OSBP: variants seen among roughly 807,000 people sequenced by gnomAD.
The protein encoded by OSBP is oxysterol-binding protein 1.
A neutral mutation model predicts 96.6 loss-of-function variants in OSBP; 32 were observed. The observed-to-expected ratio is 0.33, with a 90% CI of 0.25 to 0.45. OSBP has a LOEUF of 0.45. Among genes scored for constraint, OSBP ranks in the 20% least tolerant of loss-of-function variants. The pLI is 1.00. For synonymous variants in OSBP, 369 were observed against 389.6 expected, an observed-to-expected ratio of 0.95 and a Z score of 0.62; for missense variants, 653 against 1,029.7, an observed-to-expected ratio of 0.63 and a Z score of 5.01.
chr11:59,596,216 A>G (rs2134665663), intron 7 of OSBP, among the ~76,000 whole-genome samples: 1 of 152,208 alleles, frequency 6.6e-6, no homozygotes, highest in South Asian at 2.1e-4. Context: ...GCGCGCTGCA[A>G]AAGCCATAAT....
At chr11:59,615,233 A>G (rs890042813) in intron 1 of OSBP, 70 bp downstream of exon 1, 3 of 1,338,852 alleles carry the variant, frequency 2.2e-6, no homozygotes, top group East Asian at 5.4e-5. Context: ...GCTGGCGGTA[A>G]TGCCGGAGCT....
chr11:59,599,337 T>C (rs1187264024), intron 7 of OSBP, among the ~76,000 whole-genome samples: 4 of 152,226 alleles, frequency 2.6e-5, no homozygotes, highest in Non-Finnish European at 4.4e-5. Context: ...CAAACTATTA[T>C]GCTTCTTAGA....
intron 7 of OSBP, chr11:59,595,303 A>G (rs115316522): frequency 0.038 from 5,739 of 151,932 alleles, 144 homozygotes; most frequent in Non-Finnish European, 0.043. Flanking sequence ...CTGAGTTCTA[A>G]GTCCAGAGAA....
At chr11:59,585,536 G>A (rs1378782680) in intron 9 of OSBP, among the ~76,000 whole-genome samples, 2 of 151,228 alleles carry the variant, frequency 1.3e-5, no homozygotes, top group Non-Finnish European at 2.9e-5. Flanking sequence ...CCGTCCGGGA[G>A]GGAGGTTGGG....
chr11:59,578,907 TTA>T (rs1315293464), intron 11 of OSBP, among the ~76,000 whole-genome samples: 2 of 152,238 alleles, frequency 1.3e-5, no homozygotes, highest in African/African-American at 2.4e-5. Context: ...TAATTTGCAT[TTA>T]TCCTTTGTGT....
intron 10 of OSBP, 150 bp from the exon 11 acceptor site, chr11:59,580,419 A>C: frequency 3.2e-6 from 2 of 626,618 alleles, no homozygotes; most frequent in Non-Finnish European, 5.6e-6. Flanking sequence ...AATGCTATAG[A>C]ATCCCTATGT....
rs1447873121 is a variant in OSBP at position 59,615,525 on chromosome 11, G to A, written c.140C>T (p.Ser47Leu). 3 of 1,290,022 alleles carry A rather than the reference G, an allele frequency of 2.3e-6. No homozygotes were observed. Among genetic ancestry groups the A allele is most frequent in the Non-Finnish European group, 3.0e-6 (3 of 1,016,740 alleles). 79.9% of individuals were successfully genotyped at this position (1,290,022 alleles called of 1,614,324 possible). ...GDAGPGSGAASGTVVAAAAGG... is the reference protein window; with the variant it reads ...GDAGPGSGAALGTVVAAAAGG... ...CGCCGCCGCCGCGACCACCGTCCCT[G>A]ACGCGGCCCCGGAGCCTGGCCCCGC... is the stretch of plus-strand genomic sequence containing the variant. The change falls in exon 1 of 14, where the codon TCA becomes TTA. Residue 47 changes from serine to leucine, a missense_variant. Physicochemically the swap from Ser to Leu is moderately radical, Grantham distance 145. Around this residue, in one of 6 missense-constraint regions of OSBP, gnomAD observed 151 missense variants for 146.1 expected, o/e 1.03. Coordinates refer to ENST00000263847, the MANE Select transcript of OSBP (RefSeq NM_002556.3).
At chr11:59,593,889 A>G (rs1860616380) in intron 8 of OSBP, 121 bp downstream of exon 8, 1 of 1,443,458 alleles carries the variant, frequency 6.9e-7, no homozygotes. Context: ...TCTGAAGAAA[A>G]AGAATAAAAG....
intron 7 of OSBP, among the ~76,000 whole-genome samples, chr11:59,600,212 A>G (rs1465635631): frequency 6.6e-6 from 1 of 152,206 alleles, no homozygotes; most frequent in Non-Finnish European, 1.5e-5. Context: ...AACAGAAACT[A>G]TGATGTATTT....
chr11:59,606,140 T>C (rs1860777353), intron 3 of OSBP, among the ~76,000 whole-genome samples: 1 of 152,224 alleles, frequency 6.6e-6, no homozygotes, highest in African/African-American at 2.4e-5. Context: ...ATCCCTTTAA[T>C]TCTCCATCCC....
At chr11:59,582,787 T>G (rs1040794736) in intron 9 of OSBP, among the ~76,000 whole-genome samples, 1 of 152,176 alleles carries the variant, frequency 6.6e-6, no homozygotes, top group Non-Finnish European at 1.5e-5. Context: ...ATTACAGTAT[T>G]GCACTATGAA....
Position 59,615,407 on chromosome 11 carries a change from A to G in OSBP, c.258T>C (p.Gly86=), listed in dbSNP as rs767115521. 1.0e-5 allele frequency: 16 copies of G among 1,549,194 alleles called. No homozygotes were observed. In the South Asian group the frequency reaches 1.9e-4, roughly 18 times the overall value. Residue 86 remains glycine (G), a synonymous_variant, in exon 1 of 14, where the codon GGT becomes GGC. Coordinates refer to ENST00000263847, the MANE Select transcript of OSBP (RefSeq NM_002556.3). ...TGGSGGSGAG[G]SGSAREGWLF... The stretch of plus-strand genomic sequence containing the variant: ...GCCAGCCCTCTCGAGCCGAGCCCGA[A>G]CCCCCAGCGCCCGAGCCGCCCGAGC...
chr11:59,578,983 G>C (rs1323750796), intron 11 of OSBP, among the ~76,000 whole-genome samples: 1 of 152,094 alleles, frequency 6.6e-6, no homozygotes, highest in Non-Finnish European at 1.5e-5. Flanking sequence ...ATTTTTGACT[G>C]TAGTCACCCT....
chr11:59,580,523 A>G lies in OSBP; in HGVS notation c.1783-254T>C, dbSNP rs149070894. Among the ~76,000 whole-genome samples, 506 of 152,334 alleles carry G rather than the reference A, an allele frequency of 3.3e-3. 5 individuals are homozygous for G. The highest frequency in any genetic ancestry group is 0.011 in the African/African-American group (453 of 41,574). The stretch of plus-strand genomic sequence containing the variant: ...GATGGCATGATTTGACCTTCAGCAC[A>G]TATACTGAAGTACACATGATAATTT... On this transcript the variant is annotated intron_variant, in intron 10 of 13. Coordinates refer to ENST00000263847, the MANE Select transcript of OSBP (RefSeq NM_002556.3).
rs775242470 is a variant in OSBP, at chr11:59,580,155, A to G, written c.1878+19T>C. 1.8e-5 allele frequency: 28 copies of G among 1,518,192 alleles called. No individual in the cohort carries two copies. The highest frequency in any genetic ancestry group is 2.6e-5 in the Non-Finnish European group (28 of 1,093,024). The allele number at this position is 1,518,192 out of a possible 1,614,324, so 94.0% of individuals were successfully genotyped here. ...AGATACATGCTACGTGAAACAATTT[A>G]AATTTCAACTTCCCTTACCTTTCTT... On this transcript the variant is annotated intron_variant, in intron 11 of 13. Coordinates refer to ENST00000263847, the MANE Select transcript of OSBP (RefSeq NM_002556.3).
chr11:59,590,616 A>C (rs2134661058), intron 9 of OSBP, among the ~76,000 whole-genome samples: 1 of 152,358 alleles, frequency 6.6e-6, no homozygotes, highest in Middle Eastern at 3.4e-3. Flanking sequence ...AATTATCAAC[A>C]TAAAAGTTTG....
chr11:59,591,780 C>T (rs540626857), intron 9 of OSBP, among the ~76,000 whole-genome samples: 130 of 152,176 alleles, frequency 8.5e-4, no homozygotes, highest in African/African-American at 3.0e-3. Context: ...ACCACCACGC[C>T]TGGCTAATTT....
chr11:59,594,402 A>G (rs1860622905), intron 7 of OSBP, 147 bp from the exon 8 acceptor site: 1 of 689,598 alleles, frequency 1.5e-6, no homozygotes, highest in South Asian at 1.9e-5. Context: ...CAAACAACCC[A>G]TTCTCCTTGT....
At chr11:59,581,012 G>T (rs766741412) in intron 10 of OSBP, among the ~76,000 whole-genome samples, 4 of 152,150 alleles carry the variant, frequency 2.6e-5, no homozygotes, top group Admixed American at 6.5e-5. Flanking sequence ...TTTTATATTA[G>T]TGTATGTTGC....
Sources: allele counts gnomAD v4.1 joint callset (sites outside exome capture counted in the v4.1 genomes callset), GRCh38; gene constraint gnomAD v4.1.1; regional missense constraint gnomAD v4.1.1; transcripts MANE v1.5; gene names NCBI Gene and HGNC (gene_info 2026-07-23, HGNC 2026-07-21).